The following NCAM2 variants were observed in gnomAD, a reference collection of about 807,000 sequenced individuals.
NCAM2 encodes the protein neural cell adhesion molecule 2.
A neutral mutation model predicts 98.1 loss-of-function variants in NCAM2; 30 were observed. That is an observed-to-expected ratio of 0.31 (90% CI 0.23 to 0.41). The LOEUF (loss-of-function observed/expected upper bound fraction) is 0.41, where lower values mean the gene tolerates loss of function less well. Ranked by LOEUF, NCAM2 falls within the 10% of genes least tolerant of loss-of-function variation. The pLI, the probability that NCAM2 is intolerant of heterozygous loss-of-function variation, is 1.00. For synonymous variants in NCAM2, 368 were observed against 342.4 expected (o/e 1.07, Z -0.83); for missense variants, 867 against 1,005.8 (o/e 0.86, Z 1.87).
At chr21:21,371,255 T>G (rs2075908399) in intron 8 of NCAM2, among the ~76,000 whole-genome samples, 1 of 151,826 alleles carries the variant, frequency 6.6e-6, no homozygotes, top group Admixed American at 6.6e-5. Context: ...TTTGAGAAGG[T>G]AGTTTGGATA....
chr21:21,349,268 G>T (rs1426437769), intron 8 of NCAM2, among the ~76,000 whole-genome samples: 1 of 152,016 alleles, frequency 6.6e-6, no homozygotes, highest in African/African-American at 2.4e-5. Context: ...ATGGGCAAAA[G>T]ATTTGAATAC....
In NCAM2 at chr21:21,136,246, G is replaced by A. The variant is rs143834699; in HGVS notation, c.55+137628G>A. 6.4e-3 allele frequency among the ~76,000 whole-genome samples: 967 copies of A among 152,210 alleles called. 12 individuals carry two copies. Among genetic ancestry groups the A allele is most frequent in the Middle Eastern group, 0.034 (10 of 294 alleles). On this transcript the variant is annotated intron_variant, in intron 1 of 17. Coordinates refer to ENST00000400546, the MANE Select transcript of NCAM2 (RefSeq NM_004540.5). ...CTTCTGATACAGTTTGCTACCATTT[G>A]CATGTAAATAGCTAGAGGAAGTCAT...
intron 8 of NCAM2, among the ~76,000 whole-genome samples, chr21:21,340,119 G>A (rs1165048623): frequency 1.3e-5 from 2 of 151,666 alleles, no homozygotes; most frequent in Non-Finnish European, 3.0e-5. Context: ...AAACCATAGA[G>A]GATTGTTTTT....
At chr21:21,213,335 T>G (rs554956919) in intron 1 of NCAM2, among the ~76,000 whole-genome samples, 1 of 152,070 alleles carries the variant, frequency 6.6e-6, no homozygotes, top group Non-Finnish European at 1.5e-5. Context: ...TAAGCTAGAG[T>G]TTAAATTATT....
intron 1 of NCAM2, among the ~76,000 whole-genome samples, chr21:21,266,127 A>G (rs919708847): frequency 1.3e-5 from 2 of 152,144 alleles, no homozygotes; most frequent in African/African-American, 4.8e-5. Context: ...TTTTAAAAAA[A>G]TGGTTTGATT....
Position 21,284,355 on chromosome 21 carries a change from G to T in NCAM2, c.292G>T (p.Ala98Ser). 1 of 1,612,812 alleles carries T rather than the reference G, an allele frequency of 6.2e-7. No individual in the cohort carries two copies. Residue 98 changes from alanine to serine, a missense_variant, in exon 3 of 18, where the codon GCC becomes TCC. Around this residue, in one of 5 missense-constraint regions of NCAM2, gnomAD observed 447 missense variants for 495.7 expected, o/e 0.90. Coordinates refer to ENST00000400546, the MANE Select transcript of NCAM2 (RefSeq NM_004540.5). ...AGIYRCQATD[A>S]KGQTQEATVV... ...GATATATCGTTGTCAAGCAACAGATGCCAAAGGACAAACACAAGAAGCTAC... is the reference window on the plus strand; with the variant it reads ...GATATATCGTTGTCAAGCAACAGATTCCAAAGGACAAACACAAGAAGCTAC...
chr21:21,341,207 A>T (rs2075023059), intron 8 of NCAM2, among the ~76,000 whole-genome samples: 1 of 152,150 alleles, frequency 6.6e-6, no homozygotes, highest in East Asian at 1.9e-4. Context: ...CTTTAATGAG[A>T]TCATATTATT....
intron 1 of NCAM2, among the ~76,000 whole-genome samples, chr21:21,097,242 A>T (rs1033928637): frequency 6.6e-6 from 1 of 151,744 alleles, no homozygotes; most frequent in Admixed American, 6.6e-5. Flanking sequence ...ATCGGTCATG[A>T]TAAGCATCTG....
At chr21:21,173,610 C>G (rs139428447) in intron 1 of NCAM2, among the ~76,000 whole-genome samples, 1 of 152,130 alleles carries the variant, frequency 6.6e-6, no homozygotes, top group Non-Finnish European at 1.5e-5. Flanking sequence ...AAGGCAAGAA[C>G]TTATCTCTAA....
At chr21:21,194,958 A>G (rs2068954010) in intron 1 of NCAM2, among the ~76,000 whole-genome samples, 1 of 152,154 alleles carries the variant, frequency 6.6e-6, no homozygotes, top group African/African-American at 2.4e-5. Context: ...CTCTGCTTCT[A>G]AGAATTCAAA....
At chr21:21,136,714 C>T (rs12053681) in intron 1 of NCAM2, among the ~76,000 whole-genome samples, 62,195 of 150,058 alleles carry the variant, frequency 0.41, 13,457 homozygotes, top group African/African-American at 0.54. Context: ...ACAGTCTGCC[C>T]GCCTCAGTCC....
chr21:21,308,772 G>T (rs1375039440), intron 5 of NCAM2, among the ~76,000 whole-genome samples: 1 of 152,000 alleles, frequency 6.6e-6, no homozygotes, highest in Non-Finnish European at 1.5e-5. Context: ...AACTGATCTT[G>T]ATCTTATCTT....
intron 1 of NCAM2, among the ~76,000 whole-genome samples, chr21:21,057,240 C>T (rs1440678000): frequency 6.6e-6 from 1 of 152,020 alleles, no homozygotes; most frequent in East Asian, 1.9e-4. Flanking sequence ...ACAGCAGTTA[C>T]ATGGAGGTAG....
Position 21,247,146 on chromosome 21 carries a change from C to T in NCAM2, c.56-33432C>T, listed in dbSNP as rs899525050. Among the ~76,000 whole-genome samples the T allele has an allele frequency of 5.8e-4, 88 of 151,958 alleles. 1 individual carries two copies. Among genetic ancestry groups the T allele is most frequent in the Non-Finnish European group, 6.0e-4 (41 of 68,014 alleles). On this transcript the variant is annotated intron_variant, in intron 1 of 17. Coordinates refer to ENST00000400546, the MANE Select transcript of NCAM2 (RefSeq NM_004540.5). ...CATCCTGGCTAACACAGTGAAACCC[C>T]GTCTCTACTAAAAATACAAAAATTT... is the stretch of plus-strand genomic sequence containing the variant.
In NCAM2 at chr21:21,386,097, C is replaced by T. The variant is rs571903249; in HGVS notation, c.1195+12084C>T. ...CAGAATCATGTTACTTATTTACATGCTGTCCATATAATTAATAGATGTGTG... is the reference window on the plus strand; with the variant it reads ...CAGAATCATGTTACTTATTTACATGTTGTCCATATAATTAATAGATGTGTG... On this transcript the variant is annotated intron_variant, in intron 9 of 17. Coordinates refer to ENST00000400546, the MANE Select transcript of NCAM2 (RefSeq NM_004540.5). Among the ~76,000 whole-genome samples, 4 of 152,090 alleles carry T rather than the reference C, an allele frequency of 2.6e-5. No homozygotes were observed. In the South Asian group the frequency reaches 6.2e-4, roughly 24 times the overall value.
chr21:21,222,001 A>T (rs148614259), intron 1 of NCAM2, among the ~76,000 whole-genome samples: 78 of 152,256 alleles, frequency 5.1e-4, no homozygotes, highest in African/African-American at 1.9e-3. Context: ...CTTATTTACC[A>T]TTTTGAAAGT....
At chr21:21,165,011 G>A (rs2067905726) in intron 1 of NCAM2, among the ~76,000 whole-genome samples, 2 of 152,106 alleles carry the variant, frequency 1.3e-5, no homozygotes, top group African/African-American at 2.4e-5. Context: ...TCTCATAACA[G>A]CCTTGTTTGA....
At chr21:21,055,060 T>C (rs910365717) in intron 1 of NCAM2, among the ~76,000 whole-genome samples, 1 of 152,032 alleles carries the variant, frequency 6.6e-6, no homozygotes, top group Non-Finnish European at 1.5e-5. Flanking sequence ...GAGAGAAATA[T>C]AAACATGCTA....
At chr21:21,003,575 C>A (rs919634743) in intron 1 of NCAM2, among the ~76,000 whole-genome samples, 1 of 152,088 alleles carries the variant, frequency 6.6e-6, no homozygotes. Context: ...TAGGCAGGCA[C>A]CTTACCAAAT....
Sources: gnomAD v4.1 joint callset for allele counts (sites outside exome capture counted in the v4.1 genomes callset) on GRCh38, gnomAD v4.1.1 for gene constraint, gnomAD v4.1.1 regional missense constraint, MANE v1.5 for transcripts, NCBI Gene and HGNC (gene_info 2026-07-23, HGNC 2026-07-21) for gene names.